Variants in TMEM132C observed in about 807,000 individuals in gnomAD.
TMEM132C encodes transmembrane protein 132C.
TMEM132C carries 29 observed loss-of-function variants against 61.4 expected under a neutral mutation model. The observed-to-expected ratio is 0.47, with a 90% confidence interval of 0.35 to 0.64. The LOEUF (loss-of-function observed/expected upper bound fraction) is 0.64, where lower values mean the gene tolerates loss of function less well. Among genes scored for constraint, TMEM132C ranks in the 30% least tolerant of loss-of-function variants. The pLI, the probability that TMEM132C is intolerant of heterozygous loss-of-function variation, is 0.00. For synonymous variants in TMEM132C, 656 were observed against 633.1 expected, an observed-to-expected ratio of 1.04 and a Z score of -0.54; for missense variants, 1,408 against 1,476.9, an observed-to-expected ratio of 0.95 and a Z score of 0.76.
At chr12:128,597,129 T>G (rs1875996497) in intron 3 of TMEM132C, among the ~76,000 whole-genome samples, 1 of 152,196 alleles carries the variant, frequency 6.6e-6, no homozygotes, top group Admixed American at 6.5e-5. Flanking sequence ...TCTGCAATGT[T>G]GCCAGTAAGT....
intron 5 of TMEM132C, among the ~76,000 whole-genome samples, chr12:128,691,295 GT>G (rs1363183527): frequency 2.0e-5 from 3 of 152,232 alleles, no homozygotes; most frequent in African/African-American, 7.2e-5. Flanking sequence ...AACTTCTTGT[GT>G]TTTTGTAGCT....
chr12:128,503,589 C>T (rs145150173), intron 2 of TMEM132C, among the ~76,000 whole-genome samples: 80 of 152,336 alleles, frequency 5.3e-4, no homozygotes, highest in Non-Finnish European at 9.4e-4. Context: ...ACAAAAACAA[C>T]ACAAATACTG....
intron 2 of TMEM132C, among the ~76,000 whole-genome samples, chr12:128,493,391 T>C (rs1416806226): frequency 6.6e-6 from 1 of 152,224 alleles, no homozygotes; most frequent in Admixed American, 6.5e-5. Context: ...GTGAAGAAAG[T>C]AATTGGTAGC....
intron 2 of TMEM132C, among the ~76,000 whole-genome samples, chr12:128,515,957 T>G (rs939272153): frequency 1.3e-5 from 2 of 152,156 alleles, no homozygotes; most frequent in Non-Finnish European, 2.9e-5. Flanking sequence ...TATAGGATGA[T>G]ACACAGGCAC....
intron 4 of TMEM132C, among the ~76,000 whole-genome samples, chr12:128,663,951 C>A (rs1393415756): frequency 2.7e-4 from 28 of 103,602 alleles, no homozygotes; most frequent in African/African-American, 9.6e-4. Flanking sequence ...CACACAGGCA[C>A]ACACACATAC....
intron 3 of TMEM132C, among the ~76,000 whole-genome samples, chr12:128,582,924 G>T (rs747001870): frequency 5.3e-5 from 8 of 152,114 alleles, no homozygotes; most frequent in Non-Finnish European, 8.8e-5. Context: ...ATAAGCATGA[G>T]CCATGGTGCC....
chr12:128,325,447 G>A (rs1007577572), intron 1 of TMEM132C, among the ~76,000 whole-genome samples: 1 of 152,068 alleles, frequency 6.6e-6, no homozygotes, highest in Non-Finnish European at 1.5e-5. Context: ...ATACATGGGT[G>A]TCTCTGTGTG....
intron 1 of TMEM132C, among the ~76,000 whole-genome samples, chr12:128,328,139 T>A (rs1872579605): frequency 6.6e-6 from 1 of 152,082 alleles, no homozygotes; most frequent in Non-Finnish European, 1.5e-5. Flanking sequence ...TATTTTGTGT[T>A]TTACAGAGTG....
At chr12:128,584,592 T>A (rs73426456) in intron 3 of TMEM132C, among the ~76,000 whole-genome samples, 8,184 of 152,276 alleles carry the variant, frequency 0.054, 737 homozygotes, top group African/African-American at 0.18. Flanking sequence ...GTAACAGGCA[T>A]CCCCAACGTG....
chr12:128,468,697 C>T (rs990624117), intron 2 of TMEM132C, among the ~76,000 whole-genome samples: 3 of 152,104 alleles, frequency 2.0e-5, no homozygotes, highest in African/African-American at 7.2e-5. Context: ...GAGGCTTTGG[C>T]AAAGTCAGAA....
At chr12:128,295,215 A>G (rs1871368894) in intron 1 of TMEM132C, among the ~76,000 whole-genome samples, 1 of 152,186 alleles carries the variant, frequency 6.6e-6, no homozygotes, top group Non-Finnish European at 1.5e-5. Flanking sequence ...TCTGTTGCCC[A>G]GGCTGGAGTG....
chr12:128,301,458 C>T (rs1197697023), intron 1 of TMEM132C, among the ~76,000 whole-genome samples: 3 of 152,118 alleles, frequency 2.0e-5, no homozygotes, highest in South Asian at 2.1e-4. Flanking sequence ...TTAGTATTAG[C>T]GTTGCCTGCC....
intron 2 of TMEM132C, among the ~76,000 whole-genome samples, chr12:128,454,664 C>T (rs530129829): frequency 1.3e-5 from 2 of 152,194 alleles, no homozygotes; most frequent in South Asian, 2.1e-4. Context: ...GCTTATATGG[C>T]TTGGAGTTGA....
chr12:128,322,956 A>C (rs1381968063), intron 1 of TMEM132C, among the ~76,000 whole-genome samples: 1 of 152,238 alleles, frequency 6.6e-6, no homozygotes, highest in Non-Finnish European at 1.5e-5. Context: ...CCATGCATTC[A>C]TTCAGCATAT....
rs780140810 is a variant in TMEM132C, at chr12:128,544,058, C to T, written c.1076C>T (p.Thr359Met). 2.2e-5 allele frequency: 34 copies of T among 1,545,742 alleles called. No homozygotes were observed. The highest frequency in any genetic ancestry group is 1.7e-4 in the Middle Eastern group (1 of 5,960). ...QEVGSGGKHV[T>M]ATVACQRLGP... ...GTGGGCAGCGGCGGAAAGCACGTGACGGCCACCGTGGCCTGCCAGCGCCTG... is the reference window on the plus strand; with the variant it reads ...GTGGGCAGCGGCGGAAAGCACGTGATGGCCACCGTGGCCTGCCAGCGCCTG... Residue 359 changes from threonine to methionine, a missense_variant, in exon 3 of 9, where the codon ACG becomes ATG. Thr to Met is a moderately conservative substitution (Grantham distance 81, BLOSUM62 -1). Coordinates refer to ENST00000435159, the MANE Select transcript of TMEM132C (RefSeq NM_001136103.3).
chr12:128,573,121 T>A (rs560050996), intron 3 of TMEM132C, among the ~76,000 whole-genome samples: 2 of 152,230 alleles, frequency 1.3e-5, no homozygotes, highest in African/African-American at 4.8e-5. Context: ...CAAAGGATTA[T>A]AAATCATGCT....
chr12:128,297,028 G>A (rs1413684810), intron 1 of TMEM132C, among the ~76,000 whole-genome samples: 2 of 152,096 alleles, frequency 1.3e-5, no homozygotes, highest in African/African-American at 4.8e-5. Flanking sequence ...AGGAAATACA[G>A]CTGTAATTCC....
intron 1 of TMEM132C, 26 bp downstream of exon 1, chr12:128,267,513 C>A: frequency 8.1e-7 from 1 of 1,233,080 alleles, no homozygotes; most frequent in Non-Finnish European, 1.0e-6. Flanking sequence ...GTGCCTGGCG[C>A]GCCGACGCAT....
At chr12:128,527,826 T>C (rs950199266) in intron 2 of TMEM132C, among the ~76,000 whole-genome samples, 1 of 152,116 alleles carries the variant, frequency 6.6e-6, no homozygotes, top group Admixed American at 6.5e-5. Flanking sequence ...TTCTTCTAAC[T>C]CTGTAGTCAG....
Sources: allele counts gnomAD v4.1 joint callset (sites outside exome capture counted in the v4.1 genomes callset), GRCh38; gene constraint gnomAD v4.1.1; transcripts MANE v1.5; gene names NCBI Gene and HGNC (gene_info 2026-07-23, HGNC 2026-07-21).